FNDC3B: variants seen among roughly 807,000 people sequenced by gnomAD.
The protein encoded by FNDC3B is fibronectin type III domain-containing protein 3B.
Under a neutral mutation model 151.5 loss-of-function variants are expected in FNDC3B, and 12 were observed. That is an observed-to-expected ratio of 0.08 (90% CI 0.05 to 0.13). FNDC3B has a LOEUF of 0.13. Among genes scored for constraint, FNDC3B ranks in the 10% least tolerant of loss-of-function variants. FNDC3B has a pLI of 1.00. For missense variants in FNDC3B, 1,214 were observed against 1,505.3 expected (o/e 0.81, Z 3.20); for synonymous variants, 528 against 549.0 (o/e 0.96, Z 0.54).
chr3:172,102,714 G>C (rs939983899), intron 1 of FNDC3B, among the ~76,000 whole-genome samples: 3 of 152,170 alleles, frequency 2.0e-5, no homozygotes, highest in African/African-American at 7.2e-5. Flanking sequence ...TGGGTAAAGC[G>C]TGAGCTTCTG....
At chr3:172,065,771 G>C (rs1717467842) in intron 1 of FNDC3B, among the ~76,000 whole-genome samples, 1 of 152,214 alleles carries the variant, frequency 6.6e-6, no homozygotes, top group Admixed American at 6.5e-5. Flanking sequence ...AAAGTATATT[G>C]CAGTGATAGA....
chr3:172,171,968 T>TG (rs1284203738), intron 3 of FNDC3B, among the ~76,000 whole-genome samples: 1 of 152,148 alleles, frequency 6.6e-6, no homozygotes, highest in African/African-American at 2.4e-5. Flanking sequence ...AGGTATGCTG[T>TG]GGTTGACTAG....
intron 1 of FNDC3B, among the ~76,000 whole-genome samples, chr3:172,111,472 A>T (rs1719963425): frequency 6.6e-6 from 1 of 152,190 alleles, no homozygotes. Context: ...TTGGGATAAG[A>T]CTTCATTTTT....
intron 23 of FNDC3B, among the ~76,000 whole-genome samples, chr3:172,369,618 G>C (rs1216080668): frequency 6.6e-6 from 1 of 152,000 alleles, no homozygotes; most frequent in Non-Finnish European, 1.5e-5. Flanking sequence ...AGCCAAAAAA[G>C]GTCCATATAC....
intron 1 of FNDC3B, among the ~76,000 whole-genome samples, chr3:172,061,567 G>C (rs1717201824): frequency 6.6e-6 from 1 of 152,164 alleles, no homozygotes; most frequent in South Asian, 2.1e-4. Flanking sequence ...ATGGGTGTTA[G>C]ATATATTCTT....
intron 4 of FNDC3B, among the ~76,000 whole-genome samples, chr3:172,227,630 A>T (rs1162606678): frequency 2.0e-5 from 3 of 152,194 alleles, no homozygotes; most frequent in Non-Finnish European, 4.4e-5. Context: ...TAGCCTCAGC[A>T]CAATATGCAA....
chr3:172,120,408 G>A (rs548468220), intron 2 of FNDC3B, among the ~76,000 whole-genome samples: 81 of 152,224 alleles, frequency 5.3e-4, no homozygotes, highest in South Asian at 1.7e-3. Flanking sequence ...TTAACTCAGG[G>A]TGGGTAGGGA....
chr3:172,194,187 T>C (rs534313034), intron 3 of FNDC3B, among the ~76,000 whole-genome samples: 56 of 152,156 alleles, frequency 3.7e-4, no homozygotes, highest in African/African-American at 1.2e-3. Context: ...GCCACTGCAC[T>C]CCAGCCTGGG....
rs1244031225 is a variant in FNDC3B, at chr3:172,381,061, G to T, written c.3271G>T (p.Val1091Leu). The T allele has an allele frequency of 6.2e-7, 1 of 1,613,782 alleles. No individual in the cohort carries two copies. The highest frequency in any genetic ancestry group is 1.7e-5 in the Admixed American group (1 of 60,016). ...KGDPVNYILQ[V>L]LVGRESEYKQ... is the part of the protein sequence containing the mutation. The stretch of plus-strand genomic sequence containing the variant: ...TGACCCTGTTAACTACATTCTGCAG[G>T]TATTGGTTGGAAGAGAATCTGAGTA... The change falls in exon 25 of 26, where the codon GTA becomes TTA. Residue 1091 changes from valine (V) to leucine (L), a missense_variant. Transcript: ENST00000415807.
At chr3:172,116,723 G>A (rs1208825825) in intron 2 of FNDC3B, among the ~76,000 whole-genome samples, 5 of 152,002 alleles carry the variant, frequency 3.3e-5, no homozygotes, top group African/African-American at 4.8e-5. Flanking sequence ...ATGCCACCAC[G>A]CCTGGCTAAT....
chr3:172,323,519 T>A (rs1383390836), intron 11 of FNDC3B, among the ~76,000 whole-genome samples: 1 of 151,860 alleles, frequency 6.6e-6, no homozygotes, highest in African/African-American at 2.4e-5. Flanking sequence ...ACCTTGTCTC[T>A]CACACACACA....
chr3:172,169,768 A>G (rs1723195980), intron 3 of FNDC3B, among the ~76,000 whole-genome samples: 1 of 152,224 alleles, frequency 6.6e-6, no homozygotes, highest in South Asian at 2.1e-4. Flanking sequence ...CTTCCACTGG[A>G]TGAGTTACTT....
chr3:172,171,637 T>A (rs1294126647), intron 3 of FNDC3B, among the ~76,000 whole-genome samples: 2 of 147,784 alleles, frequency 1.4e-5, no homozygotes, highest in Non-Finnish European at 3.0e-5. Context: ...CAGAGGCATC[T>A]CCCCTGACTC....
rs574962307 is a variant in FNDC3B, at chr3:172,107,491, G to A, written c.-28-4961G>A. ...GTGTGTTGGGGGACAGTGTGGATGT[G>A]GTACAGCCTTGACCAAAATGCCTGA... On this transcript the variant is annotated intron_variant, in intron 1 of 25. Transcript: ENST00000415807. 3.9e-5 allele frequency among the ~76,000 whole-genome samples: 6 copies of A among 152,178 alleles called. No individual in the cohort carries two copies. In the East Asian group the frequency reaches 1.2e-3, roughly 29 times the overall value.
chr3:172,323,429 T>G (rs960552773), intron 11 of FNDC3B, among the ~76,000 whole-genome samples: 1 of 152,130 alleles, frequency 6.6e-6, no homozygotes, highest in Non-Finnish European at 1.5e-5. Context: ...GGAGAATCCC[T>G]TGAGTCCAGC....
intron 9 of FNDC3B, among the ~76,000 whole-genome samples, chr3:172,299,565 A>G (rs1360942538): frequency 6.6e-6 from 1 of 152,190 alleles, no homozygotes; most frequent in Non-Finnish European, 1.5e-5. Flanking sequence ...CTAATATTTA[A>G]GTTCCCCAGA....
rs571459244 is a variant in FNDC3B at position 172,364,418 on chromosome 3, T to C, written c.3008+1573T>C. Among the ~76,000 whole-genome samples, 32 of 152,320 alleles carry C rather than the reference T, an allele frequency of 2.1e-4. 1 individual carries two copies. The highest frequency in any genetic ancestry group is 7.2e-4 in the African/African-American group (30 of 41,570). On this transcript the variant is annotated intron_variant, in intron 23 of 25. Transcript: ENST00000415807. ...AAAAAGTGAAGCACAGAAAAGTTGT[T>C]GAAAGTGGTAGCTAGCTGAGTTGGG...
chr3:172,228,112 T>TTACA (rs1357714957), intron 4 of FNDC3B, among the ~76,000 whole-genome samples: 3 of 152,174 alleles, frequency 2.0e-5, no homozygotes, highest in East Asian at 1.9e-4. Flanking sequence ...ACTTACTTAC[T>TTACA]TACATAGCCA....
chr3:172,055,635 G>A (rs910492628), intron 1 of FNDC3B, among the ~76,000 whole-genome samples: 2 of 152,126 alleles, frequency 1.3e-5, no homozygotes, highest in Non-Finnish European at 2.9e-5. Flanking sequence ...TGGGTCTGAA[G>A]TGTTTGCCAT....
Sources: allele counts gnomAD v4.1 joint callset (sites outside exome capture counted in the v4.1 genomes callset), GRCh38; gene constraint gnomAD v4.1.1; transcripts MANE v1.5; gene names NCBI Gene and HGNC (gene_info 2026-07-23, HGNC 2026-07-21).